Variants in TRAPPC9 observed in about 807,000 individuals in gnomAD.
TRAPPC9 encodes trafficking protein particle complex subunit 9.
Under a neutral mutation model 124.0 loss-of-function variants are expected in TRAPPC9, and 83 were observed. That is an observed-to-expected ratio of 0.67 (90% CI 0.56 to 0.80). The LOEUF (loss-of-function observed/expected upper bound fraction) is 0.80. Among genes scored for constraint, TRAPPC9 ranks in the 30% least tolerant of loss-of-function variants. The pLI, the probability that TRAPPC9 is intolerant of heterozygous loss-of-function variation, is 0.00. For synonymous variants in TRAPPC9, 638 were observed against 617.5 expected, an observed-to-expected ratio of 1.03 and a Z score of -0.49; for missense variants, 1,302 against 1,508.3, an observed-to-expected ratio of 0.86 and a Z score of 2.27.
At chr8:139,822,169 G>A (rs774707890) in intron 21 of TRAPPC9, among the ~76,000 whole-genome samples, 21 of 152,160 alleles carry the variant, frequency 1.4e-4, no homozygotes, top group South Asian at 4.1e-4. Context: ...GGGCCAGGCC[G>A]TGGGGGAGGA....
At chr8:140,427,702 T>A (rs2070479932) in intron 4 of TRAPPC9, among the ~76,000 whole-genome samples, 1 of 152,160 alleles carries the variant, frequency 6.6e-6, no homozygotes, top group South Asian at 2.1e-4. Context: ...AAAAGGTATG[T>A]CCCAATAATC....
chr8:140,116,230 T>C (rs1248685230), intron 17 of TRAPPC9, among the ~76,000 whole-genome samples: 1 of 151,990 alleles, frequency 6.6e-6, no homozygotes, highest in Non-Finnish European at 1.5e-5. Flanking sequence ...TAAAGTAGGG[T>C]GAGATGTGAT....
chr8:139,993,709 T>C (rs1837785406), intron 18 of TRAPPC9, among the ~76,000 whole-genome samples: 1 of 152,138 alleles, frequency 6.6e-6, no homozygotes, highest in South Asian at 2.1e-4. Flanking sequence ...GAGGTGACAA[T>C]GAATTTAAAA....
At chr8:139,936,846 T>C in intron 19 of TRAPPC9, among the ~76,000 whole-genome samples, 1 of 69,300 alleles carries the variant, frequency 1.4e-5, no homozygotes, top group Non-Finnish European at 2.7e-5. Flanking sequence ...GAGTGGGCAC[T>C]GCAGTGTGGT....
chr8:140,236,244 A>G (rs1436572760), intron 16 of TRAPPC9, among the ~76,000 whole-genome samples: 5 of 152,008 alleles, frequency 3.3e-5, no homozygotes, highest in East Asian at 1.9e-4. Context: ...CACCATGCCC[A>G]GCTAATTTTT....
rs147912034 is a variant in TRAPPC9, at chr8:140,124,882, C to T, written c.2556+96577G>A. ...TATTTGGCTCTAGGAAATATTAATA[C>T]GTAGTTTCATATTTTGTAGAGCTTA... On this transcript the variant is annotated intron_variant, in intron 17 of 22. Transcript: ENST00000438773. 3.1e-3 allele frequency among the ~76,000 whole-genome samples: 478 copies of T among 152,284 alleles called. 7 individuals carry two copies. Among genetic ancestry groups the T allele is most frequent in the African/African-American group, 0.011 (444 of 41,554 alleles).
At chr8:140,245,082 G>A (rs1430570034) in intron 16 of TRAPPC9, among the ~76,000 whole-genome samples, 1 of 151,986 alleles carries the variant, frequency 6.6e-6, no homozygotes, top group African/African-American at 2.4e-5. Context: ...GGGATTACAG[G>A]CACGAGCCAC....
At chr8:140,048,791 G>A (rs1048051148) in intron 17 of TRAPPC9, among the ~76,000 whole-genome samples, 7 of 152,106 alleles carry the variant, frequency 4.6e-5, no homozygotes, top group East Asian at 1.9e-4. Flanking sequence ...CCCCTCTCCC[G>A]CATGAATAGC....
Position 140,287,595 on chromosome 8 carries a change from G to T in TRAPPC9, c.1981+13C>A. ...ACCCTCCTGAGCAGGAAGCATGAAG[G>T]GACTCTCCTTACCGTTCACAGTAAT... On this transcript the variant is annotated intron_variant, in intron 13 of 22. Coordinates refer to ENST00000438773, the MANE Select transcript of TRAPPC9 (RefSeq NM_001160372.4). The T allele has an allele frequency of 6.2e-7, 1 of 1,614,068 alleles. No homozygotes were observed. Among genetic ancestry groups the T allele is most frequent in the Non-Finnish European group, 8.5e-7 (1 of 1,179,954 alleles).
chr8:140,225,470 G>C (rs1381861385), intron 16 of TRAPPC9, among the ~76,000 whole-genome samples: 1 of 152,182 alleles, frequency 6.6e-6, no homozygotes, highest in Non-Finnish European at 1.5e-5. Context: ...ATCAAAAGCT[G>C]TTAAGTTTGA....
chr8:139,862,711 A>C (rs1370070270), intron 21 of TRAPPC9, among the ~76,000 whole-genome samples: 1 of 152,212 alleles, frequency 6.6e-6, no homozygotes, highest in Non-Finnish European at 1.5e-5. Flanking sequence ...TGCTCTGTGC[A>C]TACTCAGCAA....
chr8:140,327,594 A>G lies in TRAPPC9; in HGVS notation c.1496-16220T>C, dbSNP rs548340953. 1.8e-4 allele frequency among the ~76,000 whole-genome samples: 28 copies of G among 152,326 alleles called. No homozygotes were observed. The South Asian group carries it at 5.6e-3, about 30-fold the overall frequency. On this transcript the variant is annotated intron_variant, in intron 9 of 22. Coordinates refer to ENST00000438773, the MANE Select transcript of TRAPPC9 (RefSeq NM_001160372.4). ...TTGTTCAGCCCTAAAAAGGAATGAA[A>G]TTTTGATAAATGCTATCATACAGAT...
chr8:140,073,122 T>C (rs1283043374), intron 17 of TRAPPC9, among the ~76,000 whole-genome samples: 1 of 152,214 alleles, frequency 6.6e-6, no homozygotes, highest in Non-Finnish European at 1.5e-5. Context: ...AACGATTTTA[T>C]AAAACTGTTT....
chr8:139,798,140 G>A (rs1447790359), intron 21 of TRAPPC9, among the ~76,000 whole-genome samples: 2 of 152,126 alleles, frequency 1.3e-5, no homozygotes, highest in African/African-American at 4.8e-5. Flanking sequence ...TGAACACAGG[G>A]TGTCTATTTA....
intron 3 of TRAPPC9, among the ~76,000 whole-genome samples, chr8:140,435,579 T>C (rs962590049): frequency 3.9e-5 from 6 of 152,220 alleles, no homozygotes; most frequent in African/African-American, 1.4e-4. Flanking sequence ...TGGCCGGCAT[T>C]CCTGCACAAA....
intron 21 of TRAPPC9, among the ~76,000 whole-genome samples, chr8:139,868,343 G>A (rs931343380): frequency 7.9e-5 from 12 of 152,178 alleles, no homozygotes; most frequent in Admixed American, 2.0e-4. Flanking sequence ...GCAACAGAGC[G>A]AGACTCCATC....
chr8:139,923,224 T>G (rs1388003905), intron 19 of TRAPPC9, among the ~76,000 whole-genome samples: 1 of 152,198 alleles, frequency 6.6e-6, no homozygotes, highest in East Asian at 1.9e-4. Context: ...GCTGAACCTA[T>G]ACAAGAAGAC....
At chr8:140,284,876 C>T (rs1190914120) in intron 13 of TRAPPC9, among the ~76,000 whole-genome samples, 1 of 152,182 alleles carries the variant, frequency 6.6e-6, no homozygotes, top group South Asian at 2.1e-4. Flanking sequence ...CACGCTTCCT[C>T]TAAAGTATAC....
intron 5 of TRAPPC9, among the ~76,000 whole-genome samples, chr8:140,419,326 G>A (rs1270069609): frequency 1.3e-5 from 2 of 149,970 alleles, no homozygotes; most frequent in East Asian, 2.0e-4. Context: ...CTACTCGGGA[G>A]GCTGAGGCAG....
Sources: gnomAD v4.1 joint callset for allele counts (sites outside exome capture counted in the v4.1 genomes callset) on GRCh38, gnomAD v4.1.1 for gene constraint, MANE v1.5 for transcripts, NCBI Gene and HGNC (gene_info 2026-07-23, HGNC 2026-07-21) for gene names.